TCEA3: variants seen among roughly 807,000 people sequenced by gnomAD.
The protein encoded by TCEA3 is transcription elongation factor A protein 3.
Under a neutral mutation model 44.0 loss-of-function variants are expected in TCEA3, and 36 were observed. The ratio of observed to expected loss-of-function variants is 0.82; its 90% CI spans 0.63 to 1.08. TCEA3 has a LOEUF of 1.08. Among genes scored for constraint, TCEA3 ranks in the 50% least tolerant of loss-of-function variants. The pLI is 0.00. For missense variants in TCEA3, 392 were observed against 441.2 expected (o/e 0.89, Z 1.00); for synonymous variants, 162 against 159.7 (o/e 1.01, Z -0.11).
At chr1:23,389,092 A>G (rs1056231674) in intron 8 of TCEA3, among the ~76,000 whole-genome samples, 8 of 152,238 alleles carry the variant, frequency 5.3e-5, no homozygotes, top group Non-Finnish European at 1.2e-4. Context: ...AGGAGAATAT[A>G]GAAAAACAAG....
At chr1:23,404,061 C>T in intron 5 of TCEA3, 3 of 696,340 alleles carry the variant, frequency 4.3e-6, no homozygotes, top group Non-Finnish European at 7.9e-6. Flanking sequence ...CTTAGAAAAT[C>T]CTCCTGCCCC....
intron 10 of TCEA3, among the ~76,000 whole-genome samples, chr1:23,382,871 C>A (rs1281608013): frequency 6.6e-6 from 1 of 152,070 alleles, no homozygotes; most frequent in African/African-American, 2.4e-5. Context: ...GGCCCCATCC[C>A]TAAGTGCTCA....
In TCEA3 at chr1:23,398,610, T is replaced by C. The variant is rs140247358; in HGVS notation, c.444-655A>G. On this transcript the variant is annotated intron_variant, in intron 5 of 10. Coordinates refer to ENST00000450454, the MANE Select transcript of TCEA3 (RefSeq NM_003196.3). Reference sequence around the variant, plus strand: ...AAAGAATTTTCCAATTTAATCTTCATAGCAGTCCCAGGAGGTATACTCTCA... The same window carrying C: ...AAAGAATTTTCCAATTTAATCTTCACAGCAGTCCCAGGAGGTATACTCTCA... 9.8e-5 allele frequency among the ~76,000 whole-genome samples: 15 copies of C among 152,292 alleles called. No individual in the cohort carries two copies. In the East Asian group the frequency reaches 2.7e-3, roughly 27 times the overall value.
At chr1:23,407,495 C>T (rs1639576962) in intron 5 of TCEA3, among the ~76,000 whole-genome samples, 1 of 152,102 alleles carries the variant, frequency 6.6e-6, no homozygotes, top group Non-Finnish European at 1.5e-5. Context: ...CTTCACTGTT[C>T]CTTGACTCTG....
At chr1:23,389,083 G>T (rs939228910) in intron 8 of TCEA3, among the ~76,000 whole-genome samples, 1 of 152,138 alleles carries the variant, frequency 6.6e-6, no homozygotes, top group African/African-American at 2.4e-5. Flanking sequence ...ACCAATGGCA[G>T]GAGAATATAG....
chr1:23,419,182 C>T (rs764314083), intron 1 of TCEA3, 43 bp from the exon 2 acceptor site: 8 of 1,475,580 alleles, frequency 5.4e-6, no homozygotes, highest in Non-Finnish European at 6.5e-6. Context: ...TGGGTCCTGA[C>T]CAGGCTTCTC....
At chr1:23,387,482 G>A in intron 8 of TCEA3, 63 bp from the exon 9 acceptor site, 1 of 1,498,622 alleles carries the variant, frequency 6.7e-7, no homozygotes, top group Non-Finnish European at 9.0e-7. Context: ...CCTACACCCG[G>A]TTTCTAGAAA....
chr1:23,389,770 A>G (rs1187288525), intron 8 of TCEA3, among the ~76,000 whole-genome samples: 1 of 152,218 alleles, frequency 6.6e-6, no homozygotes, highest in Non-Finnish European at 1.5e-5. Flanking sequence ...GTCAGCTTCC[A>G]TGGGACAAAA....
chr1:23,382,582 T>C (rs1217530450), intron 10 of TCEA3, among the ~76,000 whole-genome samples: 2 of 152,232 alleles, frequency 1.3e-5, no homozygotes, highest in Admixed American at 6.5e-5. Context: ...CTCCGTACCC[T>C]GGCATGAGGC....
chr1:23,423,235 C>T (rs1296587953), intron 1 of TCEA3, among the ~76,000 whole-genome samples: 2 of 152,166 alleles, frequency 1.3e-5, no homozygotes, highest in Non-Finnish European at 2.9e-5. Flanking sequence ...GACCTGGCTG[C>T]GTAGAAGCAG....
In TCEA3 at chr1:23,417,315, C is replaced by T. The variant is rs762300449; in HGVS notation, c.314G>A (p.Cys105Tyr). ...KAKKKEKGLE[C>Y]SDWKPEAGLS... ...GCCTGCTTCTGGCTTCCAGTCTGAA[C>T]ACTCAAGCCCTTTTTCCTTCTTCTT... Residue 105 changes from cysteine to tyrosine, a missense_variant, in exon 4 of 11, where the codon TGT (cysteine) becomes TAT (tyrosine). Coordinates refer to ENST00000450454, the MANE Select transcript of TCEA3 (RefSeq NM_003196.3). 2.5e-6 allele frequency: 4 copies of T among 1,614,038 alleles called. No homozygotes were observed. The South Asian group carries it at 3.3e-5, about 13-fold the overall frequency.
intron 9 of TCEA3, among the ~76,000 whole-genome samples, chr1:23,386,048 A>ATTG (rs1335629341): frequency 6.6e-6 from 1 of 152,220 alleles, no homozygotes; most frequent in East Asian, 1.9e-4. Flanking sequence ...GATTCTTCTT[A>ATTG]TTGTCACGTC....
At chr1:23,415,014 CTTTT>C (rs59946326) in intron 4 of TCEA3, among the ~76,000 whole-genome samples, 1 of 43,114 alleles carries the variant, frequency 2.3e-5, no homozygotes, top group Non-Finnish European at 4.3e-5. Flanking sequence ...CTTTACTGTT[CTTTT>C]TTTTTTTTTT....
intron 4 of TCEA3, among the ~76,000 whole-genome samples, chr1:23,410,343 A>G (rs1639672559): frequency 6.6e-6 from 1 of 152,132 alleles, no homozygotes; most frequent in South Asian, 2.1e-4. Flanking sequence ...TTTTCTTTTT[A>G]GAATAAATCA....
At chr1:23,386,489 C>T (rs1223215779) in intron 9 of TCEA3, among the ~76,000 whole-genome samples, 1 of 152,140 alleles carries the variant, frequency 6.6e-6, no homozygotes, top group African/African-American at 2.4e-5. Context: ...CTGCCTGCCT[C>T]GGCCTCCCAA....
rs200774421 is a variant in TCEA3, at chr1:23,387,012, G to A, written c.966+261C>T. Among the ~76,000 whole-genome samples, 5 of 151,782 alleles carry A rather than the reference G, an allele frequency of 3.3e-5. No individual in the cohort carries two copies. The East Asian group carries it at 5.8e-4, about 18-fold the overall frequency. ...TGGGATTATAGGCGTGAGCCACCGCGCCCGGCATTTTTGTATTTTTAGTAG... is the reference window on the plus strand; with the variant it reads ...TGGGATTATAGGCGTGAGCCACCGCACCCGGCATTTTTGTATTTTTAGTAG... On this transcript the variant is annotated intron_variant, in intron 9 of 10. Transcript: ENST00000450454.
At chr1:23,413,303 A>T (rs894003277) in intron 4 of TCEA3, among the ~76,000 whole-genome samples, 19 of 150,276 alleles carry the variant, frequency 1.3e-4, no homozygotes, top group Non-Finnish European at 2.4e-4. Flanking sequence ...CGCCCGGCTA[A>T]TTTTTTTTTA....
At chr1:23,390,356 C>T (rs1186835099) in intron 8 of TCEA3, among the ~76,000 whole-genome samples, 1 of 152,134 alleles carries the variant, frequency 6.6e-6, no homozygotes. Flanking sequence ...AGGTGCATGC[C>T]TGCAGTCCTA....
chr1:23,389,485 A>G (rs11581504), intron 8 of TCEA3, among the ~76,000 whole-genome samples: 128,682 of 147,204 alleles, frequency 0.87, 56,597 homozygotes, highest in Non-Finnish European at 0.92. Context: ...GCGAGATTCC[A>G]TCAAAAAAAA....
Sources: allele counts gnomAD v4.1 joint callset (sites outside exome capture counted in the v4.1 genomes callset), GRCh38; gene constraint gnomAD v4.1.1; transcripts MANE v1.5; gene names NCBI Gene and HGNC (gene_info 2026-07-23, HGNC 2026-07-21).